The following FAM107B variants were observed in gnomAD, a reference collection of about 807,000 sequenced individuals.
FAM107B encodes the protein family with sequence similarity 107 member B, also known as protein FAM107B.
FAM107B carries 21 observed loss-of-function variants against 31.5 expected under a neutral mutation model. That is an observed-to-expected ratio of 0.67 (90% CI 0.47 to 0.96). FAM107B has a LOEUF of 0.96. FAM107B is among the 40% of genes least tolerant of loss of function. FAM107B has a pLI of 0.00. For missense variants in FAM107B, 452 were observed against 377.1 expected (o/e 1.20, Z -1.64); for synonymous variants, 157 against 141.5 (o/e 1.11, Z -0.78).
intron 2 of FAM107B, among the ~76,000 whole-genome samples, chr10:14,556,779 C>T (rs12246186): frequency 9.5e-4 from 144 of 152,322 alleles, no homozygotes; most frequent in African/African-American, 3.4e-3. Flanking sequence ...AAGCAGGAAA[C>T]GTGCACTAAG....
intron 1 of FAM107B, among the ~76,000 whole-genome samples, chr10:14,765,970 T>C: frequency 6.6e-6 from 1 of 152,168 alleles, no homozygotes; most frequent in East Asian, 1.9e-4. Flanking sequence ...TGATGGGTGA[T>C]GGGTGATTAC....
chr10:14,715,926 G>C (rs1855769402), intron 1 of FAM107B, among the ~76,000 whole-genome samples: 1 of 152,052 alleles, frequency 6.6e-6, no homozygotes, highest in African/African-American at 2.4e-5. Flanking sequence ...ACAGATTGTG[G>C]TATTTCTTGG....
At chr10:14,603,925 C>A (rs1852492191) in intron 2 of FAM107B, among the ~76,000 whole-genome samples, 1 of 150,380 alleles carries the variant, frequency 6.6e-6, no homozygotes, top group Non-Finnish European at 1.5e-5. Context: ...GTAGGGCTCC[C>A]CCGCGGCAGC....
At chr10:14,602,557 TAAG>T (rs1321355250) in intron 2 of FAM107B, 3 of 152,252 alleles carry the variant, frequency 2.0e-5, no homozygotes, top group Admixed American at 2.0e-4. Flanking sequence ...GCAAGGTCTT[TAAG>T]AAGCCAGCAT....
intron 1 of FAM107B, among the ~76,000 whole-genome samples, chr10:14,759,021 A>C (rs1361037815): frequency 6.6e-6 from 1 of 151,780 alleles, no homozygotes; most frequent in Non-Finnish European, 1.5e-5. Context: ...TCTACTAAAA[A>C]TACAAAATTA....
chr10:14,670,913 T>C (rs755144887), intron 1 of FAM107B, among the ~76,000 whole-genome samples: 5 of 152,240 alleles, frequency 3.3e-5, no homozygotes, highest in Admixed American at 6.5e-5. Context: ...TCAGCGCAAG[T>C]CTGCAATTTG....
chr10:14,669,140 G>A (rs1039123888), intron 1 of FAM107B, among the ~76,000 whole-genome samples: 8 of 152,080 alleles, frequency 5.3e-5, no homozygotes, highest in South Asian at 2.1e-4. Context: ...GGCCGAGGCG[G>A]GTGGATTGCC....
intron 2 of FAM107B, chr10:14,554,062 CAT>C (rs1392162262): frequency 2.0e-5 from 19 of 973,326 alleles, no homozygotes; most frequent in South Asian, 9.5e-5. Context: ...CACTGCCACA[CAT>C]ATGTCATATA....
chr10:14,627,355 T>C (rs1371947409), intron 2 of FAM107B, among the ~76,000 whole-genome samples: 2 of 152,258 alleles, frequency 1.3e-5, no homozygotes, highest in Non-Finnish European at 2.9e-5. Flanking sequence ...AAACGGACCA[T>C]ATGGATAAAC....
chr10:14,660,287 T>C (rs1854199128), intron 2 of FAM107B, among the ~76,000 whole-genome samples: 1 of 152,168 alleles, frequency 6.6e-6, no homozygotes, highest in Non-Finnish European at 1.5e-5. Context: ...CAAAAAAACC[T>C]GGCCTGTTTC....
chr10:14,745,608 G>A (rs1167670882), intron 1 of FAM107B, among the ~76,000 whole-genome samples: 1 of 152,158 alleles, frequency 6.6e-6, no homozygotes, highest in Non-Finnish European at 1.5e-5. Context: ...TAGTTGTGTG[G>A]TTTTGAGTGA....
At chr10:14,672,100 A>AT (rs1269755073) in intron 1 of FAM107B, among the ~76,000 whole-genome samples, 182 of 6,048 alleles carry the variant, frequency 0.03, 1 homozygote, top group Middle Eastern at 0.1. Context: ...TTTTTTATTT[A>AT]TTTATTTTTT....
At chr10:14,564,839 A>C (rs1850529485) in intron 2 of FAM107B, among the ~76,000 whole-genome samples, 1 of 152,250 alleles carries the variant, frequency 6.6e-6, no homozygotes. Flanking sequence ...TCTCAAGAAC[A>C]GGAATCCTAC....
At chr10:14,619,849 G>A (rs1248099500) in intron 2 of FAM107B, among the ~76,000 whole-genome samples, 2 of 151,392 alleles carry the variant, frequency 1.3e-5, no homozygotes, top group African/African-American at 2.4e-5. Flanking sequence ...TTCATATGGT[G>A]CTAGGCAATG....
chr10:14,580,890 T>A (rs993329110), intron 2 of FAM107B, among the ~76,000 whole-genome samples: 7 of 152,234 alleles, frequency 4.6e-5, no homozygotes, highest in Non-Finnish European at 1.0e-4. Flanking sequence ...CATTTCCTTC[T>A]GTTGGCTTAT....
At position 14,749,058 on chromosome 10, in the gene FAM107B, G is replaced by A. The variant is rs118103367; in HGVS notation, c.411+25195C>T. On this transcript the variant is annotated intron_variant, in intron 1 of 4. Transcript: ENST00000181796. ...AAGAAAAAGAGCCAGAATGCTTCTC[G>A]TAGAGCCCAAGCCTCTGTGTTCTCT... Among the ~76,000 whole-genome samples, 65 of 152,304 alleles carry A rather than the reference G, an allele frequency of 4.3e-4. 2 individuals carry two copies. In the East Asian group the frequency reaches 7.5e-3, roughly 18 times the overall value.
intron 2 of FAM107B, among the ~76,000 whole-genome samples, chr10:14,536,824 G>T (rs936768779): frequency 6.6e-6 from 1 of 152,100 alleles, no homozygotes; most frequent in African/African-American, 2.4e-5. Flanking sequence ...TCCCAGGATG[G>T]TCATTTAAAA....
intron 2 of FAM107B, among the ~76,000 whole-genome samples, chr10:14,649,826 T>C (rs2131444924): frequency 6.6e-6 from 1 of 152,350 alleles, no homozygotes; most frequent in South Asian, 2.1e-4. Context: ...GGAATACATC[T>C]CTTCAAATTT....
chr10:14,574,810 A>G (rs975819716), intron 2 of FAM107B, among the ~76,000 whole-genome samples: 1 of 152,214 alleles, frequency 6.6e-6, no homozygotes, highest in Non-Finnish European at 1.5e-5. Flanking sequence ...ATATGGCCCT[A>G]TAAATTCTGT....
Sources: gnomAD v4.1 joint callset for allele counts (sites outside exome capture counted in the v4.1 genomes callset) on GRCh38, gnomAD v4.1.1 for gene constraint, MANE v1.5 for transcripts, NCBI Gene and HGNC (gene_info 2026-07-23, HGNC 2026-07-21) for gene names.